The following ROBO2 variants were observed in gnomAD, a reference collection of about 807,000 sequenced individuals.
ROBO2 encodes roundabout guidance receptor 2, also known as roundabout homolog 2.
Under a neutral mutation model 160.8 loss-of-function variants are expected in ROBO2, and 53 were observed. The ratio of observed to expected loss-of-function variants is 0.33; its 90% confidence interval spans 0.26 to 0.41. ROBO2 has a LOEUF of 0.41. Among genes scored for constraint, ROBO2 ranks in the 10% least tolerant of loss-of-function variants. The probability of loss-of-function intolerance (pLI) is 1.00; values close to 1 mark genes in which losing one functional copy is unlikely to be tolerated. For missense variants in ROBO2, 1,577 were observed against 1,722.4 expected (o/e 0.92, Z 1.49); for synonymous variants, 664 against 611.7 (o/e 1.09, Z -1.26).
At chr3:76,035,361 T>A (rs1296512243) in intron 2 of ROBO2, among the ~76,000 whole-genome samples, 1 of 151,974 alleles carries the variant, frequency 6.6e-6, no homozygotes, top group Non-Finnish European at 1.5e-5. Context: ...GCATAAGTAT[T>A]ATCTCAGCAT....
chr3:76,988,045 G>A (rs1211563551), intron 2 of ROBO2, among the ~76,000 whole-genome samples: 1 of 151,930 alleles, frequency 6.6e-6, no homozygotes. Flanking sequence ...ACTTTATTTG[G>A]TAATTAAAAG....
chr3:77,225,027 A>T (rs936102495), intron 2 of ROBO2, among the ~76,000 whole-genome samples: 6 of 151,870 alleles, frequency 4.0e-5, no homozygotes, highest in African/African-American at 1.4e-4. Flanking sequence ...AACATAGAGT[A>T]TTAGAAAAAA....
chr3:77,416,260 A>G (rs1481687147), intron 2 of ROBO2, among the ~76,000 whole-genome samples: 3 of 152,162 alleles, frequency 2.0e-5, no homozygotes, highest in African/African-American at 4.8e-5. Flanking sequence ...TGATTGGTCC[A>G]TGGTGGGCCT....
At chr3:77,083,563 T>C (rs1314116714) in intron 1 of ROBO2, among the ~76,000 whole-genome samples, 3 of 152,072 alleles carry the variant, frequency 2.0e-5, no homozygotes. Flanking sequence ...AGAGAAACGA[T>C]GAGGCATTTA....
intron 2 of ROBO2, among the ~76,000 whole-genome samples, chr3:76,026,293 A>T (rs2066743106): frequency 6.6e-6 from 1 of 151,964 alleles, no homozygotes; most frequent in African/African-American, 2.4e-5. Flanking sequence ...TATGCAAGGC[A>T]TTGAAAATAT....
In ROBO2 at chr3:76,868,211, T is replaced by G. The variant is rs551610176; in HGVS notation, c.110-229803T>G. ...ATTTTTCTCAGCAACCTCCCTAATT[T>G]CTGATTTTTTATTTTCTTCCTGAAA... On this transcript the variant is annotated intron_variant, in intron 2 of 26. Transcript: ENST00000487694. 5.3e-5 allele frequency among the ~76,000 whole-genome samples: 8 copies of G among 152,310 alleles called. No individual in the cohort carries two copies. In the South Asian group the frequency reaches 1.7e-3, roughly 32 times the overall value.
chr3:77,492,580 TAAGAG>T (rs1409930324), intron 4 of ROBO2, among the ~76,000 whole-genome samples: 2 of 152,180 alleles, frequency 1.3e-5, no homozygotes, highest in South Asian at 2.1e-4. Flanking sequence ...CTCAAACACT[TAAGAG>T]AAGACCATTG....
intron 2 of ROBO2, among the ~76,000 whole-genome samples, chr3:77,453,153 C>G (rs1261014152): frequency 6.6e-6 from 1 of 152,150 alleles, no homozygotes; most frequent in Non-Finnish European, 1.5e-5. Context: ...ACTGCCTTCT[C>G]TATTAAACTA....
At chr3:77,489,808 T>C (rs1443069054) in intron 4 of ROBO2, among the ~76,000 whole-genome samples, 1 of 152,204 alleles carries the variant, frequency 6.6e-6, no homozygotes, top group African/African-American at 2.4e-5. Context: ...AGTTTTAATA[T>C]TGCAATGACT....
At chr3:76,676,242 T>G (rs2092404530) in intron 2 of ROBO2, among the ~76,000 whole-genome samples, 1 of 152,126 alleles carries the variant, frequency 6.6e-6, no homozygotes, top group Admixed American at 6.6e-5. Flanking sequence ...TTCCCCGTGC[T>G]GTTCTCATGA....
At chr3:76,772,267 C>A (rs774590) in intron 2 of ROBO2, among the ~76,000 whole-genome samples, 53,106 of 150,796 alleles carry the variant, frequency 0.35, 9,540 homozygotes, top group African/African-American at 0.42. Context: ...ATAGTGGTAT[C>A]TAGGAGGAAC....
intron 2 of ROBO2, among the ~76,000 whole-genome samples, chr3:76,330,074 G>A (rs959520731): frequency 2.0e-5 from 3 of 152,142 alleles, no homozygotes; most frequent in African/African-American, 7.2e-5. Context: ...GGCCATATTT[G>A]AAAGGTGATT....
chr3:76,306,356 A>G (rs2071339561), intron 2 of ROBO2, among the ~76,000 whole-genome samples: 1 of 151,974 alleles, frequency 6.6e-6, no homozygotes, highest in African/African-American at 2.4e-5. Flanking sequence ...TAGTAACATA[A>G]CTCACATTAT....
intron 2 of ROBO2, among the ~76,000 whole-genome samples, chr3:76,146,876 TCACACACACACA>T (rs1235416516): frequency 6.8e-6 from 1 of 146,108 alleles, no homozygotes; most frequent in Admixed American, 6.8e-5. Flanking sequence ...ACACACACAC[TCACACACACACA>T]AACACACACA....
chr3:77,258,614 C>A (rs1262892816), intron 2 of ROBO2, among the ~76,000 whole-genome samples: 2 of 103,788 alleles, frequency 1.9e-5, no homozygotes, highest in Non-Finnish European at 3.7e-5. Context: ...CAGACGGAGA[C>A]TTTGTCTTAA....
chr3:76,987,562 G>A (rs1285450139), intron 2 of ROBO2, among the ~76,000 whole-genome samples: 2 of 152,006 alleles, frequency 1.3e-5, no homozygotes, highest in Non-Finnish European at 2.9e-5. Context: ...TATTGCAAAG[G>A]ACTTTATGCC....
intron 2 of ROBO2, among the ~76,000 whole-genome samples, chr3:76,192,109 T>C (rs958377850): frequency 6.6e-6 from 1 of 152,114 alleles, no homozygotes; most frequent in Non-Finnish European, 1.5e-5. Context: ...TACCTGACCT[T>C]CGATTGGCTT....
intron 2 of ROBO2, among the ~76,000 whole-genome samples, chr3:76,787,160 C>G (rs2063036143): frequency 6.6e-6 from 1 of 151,008 alleles, no homozygotes; most frequent in Non-Finnish European, 1.5e-5. Context: ...TCACTCAACC[C>G]TGGGAATTAC....
chr3:76,622,237 A>AAGAAAGAAAGAAG (rs1578621790), intron 2 of ROBO2, among the ~76,000 whole-genome samples: 2 of 40,244 alleles, frequency 5.0e-5, no homozygotes, highest in Non-Finnish European at 9.3e-5. Context: ...GAAGGAAGGA[A>AAGAAAGAAAGAAG]GAAAGAAAGA....
Sources: allele counts gnomAD v4.1 joint callset (sites outside exome capture counted in the v4.1 genomes callset), GRCh38; gene constraint gnomAD v4.1.1; transcripts MANE v1.5; gene names NCBI Gene and HGNC (gene_info 2026-07-23, HGNC 2026-07-21).